Variants in AHNAK2 observed in about 807,000 individuals in gnomAD.
AHNAK2 encodes protein AHNAK2.
A neutral mutation model predicts 30.7 loss-of-function variants in AHNAK2; 18 were observed. That is an observed-to-expected ratio of 0.59 (90% CI 0.41 to 0.87). The LOEUF (loss-of-function observed/expected upper bound fraction) is 0.87, where lower values mean the gene tolerates loss of function less well. AHNAK2 is among the 40% of genes least tolerant of loss of function. The pLI, the probability that AHNAK2 is intolerant of heterozygous loss-of-function variation, is 0.00. For missense variants in AHNAK2, 8,604 were observed against 7,373.0 expected (o/e 1.17, Z -6.11); for synonymous variants, 3,590 against 3,073.8 (o/e 1.17, Z -5.56).
At chr14:104,977,829 C>T (rs926239837) in intron 1 of AHNAK2, among the ~76,000 whole-genome samples, 1 of 152,194 alleles carries the variant, frequency 6.6e-6, no homozygotes, top group East Asian at 1.9e-4. Context: ...GACCAGACAG[C>T]GTCCCAGGAG....
At chr14:104,961,898 A>C (rs1312927379) in intron 1 of AHNAK2, among the ~76,000 whole-genome samples, 7 of 152,096 alleles carry the variant, frequency 4.6e-5, no homozygotes, top group African/African-American at 7.2e-5. Context: ...ACTTGAGCCC[A>C]GGAGGTTAAA....
Position 104,940,213 on chromosome 14 carries a change from T to A in AHNAK2, c.15238A>T (p.Thr5080Ser). 4 of 1,613,616 alleles carry A rather than the reference T, an allele frequency of 2.5e-6. No individual in the cohort carries two copies. Among genetic ancestry groups the A allele is most frequent in the Non-Finnish European group, 3.4e-6 (4 of 1,179,904 alleles). ...TGGAGGTTCACACCCTCACTTCCTGTGGCACTTGCTGTTGCACCAAGTCCT... is the reference window on the plus strand; with the variant it reads ...TGGAGGTTCACACCCTCACTTCCTGAGGCACTTGCTGTTGCACCAAGTCCT... ...RGGLGATASA[T>S]GSEGVNLHRP... Residue 5080 changes from threonine (T) to serine (S), a missense_variant, in exon 7 of 7, where the codon ACA becomes TCA. Coordinates refer to ENST00000333244, the MANE Select transcript of AHNAK2 (RefSeq NM_138420.4). The surrounding 1 kb of genome is among the most constrained non-coding windows in gnomAD (Gnocchi z 4.4).
chr14:104,972,510 C>T (rs1037544276), intron 1 of AHNAK2, among the ~76,000 whole-genome samples: 2 of 152,216 alleles, frequency 1.3e-5, no homozygotes, highest in African/African-American at 4.8e-5. Flanking sequence ...CCGCAAGAGC[C>T]TTTGCTGGGG....
Position 104,950,081 on chromosome 14 carries a change from C to T in AHNAK2, c.5370G>A (p.Glu1790=). ...TGGCTCCTGGAGCCTCGACGTCCACCTCCACGCTGGGCAGAGACACCTCCA... is the reference window on the plus strand; with the variant it reads ...TGGCTCCTGGAGCCTCGACGTCCACTTCCACGCTGGGCAGAGACACCTCCA... ...PDVEVSLPSV[E]VDVEAPGAKL... The change falls in exon 7 of 7, where the codon GAG becomes GAA. Residue 1790 remains glutamate (E), a synonymous_variant. Transcript: ENST00000333244. The T allele has an allele frequency of 1.3e-6, 2 of 1,587,398 alleles. No individual in the cohort carries two copies. Among genetic ancestry groups the T allele is most frequent in the African/African-American group, 2.8e-5 (2 of 72,432 alleles).
intron 1 of AHNAK2, among the ~76,000 whole-genome samples, chr14:104,967,032 C>T (rs1025755953): frequency 1.2e-4 from 19 of 152,186 alleles, no homozygotes; most frequent in South Asian, 4.1e-4. Context: ...AGGAGGGTCC[C>T]TGGGTCACTT....
chr14:104,941,002 G>C lies in AHNAK2; in HGVS notation c.14449C>G (p.Gln4817Glu). ...ELALEIPSGS[Q>E]ADIPLPKTEC... is the part of the protein sequence containing the mutation. ...GTCTTGGGAAGAGGAATATCAGCCT[G>C]AGACCCAGAAGGAATTTCCAGAGCA... Residue 4817 changes from glutamine to glutamate, a missense_variant, in exon 7 of 7, where the codon CAG becomes GAG. Physicochemically the swap from Gln to Glu is conservative, Grantham distance 29. Coordinates refer to ENST00000333244, the MANE Select transcript of AHNAK2 (RefSeq NM_138420.4). 6.2e-7 allele frequency: 1 copy of C among 1,613,414 alleles called. No homozygotes were observed. The highest frequency in any genetic ancestry group is 1.1e-5 in the South Asian group (1 of 91,078).
intron 1 of AHNAK2, among the ~76,000 whole-genome samples, chr14:104,961,801 C>G (rs1899157439): frequency 6.6e-6 from 1 of 151,908 alleles, no homozygotes; most frequent in Admixed American, 6.6e-5. Context: ...AGTGAGACCT[C>G]ATCTTTAGAA....
Position 104,953,769 on chromosome 14 carries a change from T to A in AHNAK2, c.1682A>T (p.Gln561Leu). 1 of 1,613,994 alleles carries A rather than the reference T, an allele frequency of 6.2e-7. No homozygotes were observed. Among genetic ancestry groups the A allele is most frequent in the Non-Finnish European group, 8.5e-7 (1 of 1,179,896 alleles). ...GDEGDGEEGL[Q>L]RTRITEEQDK... ...CTGTTCCTCAGTGATCCTTGTCCTC[T>A]GTAGTCCTTCCTCTCCATCTCCTTC... The change falls in exon 7 of 7, where the codon CAG becomes CTG. Residue 561 changes from glutamine to leucine, a missense_variant. By Grantham distance (113) the Gln-to-Leu change is moderately radical. Transcript: ENST00000333244.
At chr14:104,957,012 C>A (rs538071702) in intron 3 of AHNAK2, among the ~76,000 whole-genome samples, 1 of 152,356 alleles carries the variant, frequency 6.6e-6, no homozygotes, top group African/African-American at 2.4e-5. Flanking sequence ...AAAATGAATC[C>A]TTTCATAGAC....
chr14:104,967,867 C>T (rs967252897), intron 1 of AHNAK2, among the ~76,000 whole-genome samples: 2 of 152,192 alleles, frequency 1.3e-5, no homozygotes, highest in Non-Finnish European at 2.9e-5. Context: ...TCCCAGTCCC[C>T]CGCCAAGAGC....
Position 104,946,106 on chromosome 14 carries a change from G to A in AHNAK2, c.9345C>T (p.Ala3115=), listed in dbSNP as rs755979558. 5.6e-6 allele frequency: 9 copies of A among 1,610,912 alleles called. No individual in the cohort carries two copies. In the South Asian group the frequency reaches 6.6e-5, roughly 12 times the overall value. Residue 3115 remains alanine (A), a synonymous_variant, in exon 7 of 7, where the codon GCC becomes GCT. Coordinates refer to ENST00000333244, the MANE Select transcript of AHNAK2 (RefSeq NM_138420.4). ...SQPGMEVDVE[A]PGAKLDGARL... ...GTGCACCATCCAACTTGGCTCCTGG[G>A]GCCTCGACATCCACCTCCATGCCGG... is the stretch of plus-strand genomic sequence containing the variant.
In AHNAK2 at chr14:104,952,239, A is replaced by G. The variant is rs1566917777; in HGVS notation, c.3212T>C (p.Leu1071Pro). The G allele has an allele frequency of 6.2e-7, 1 of 1,612,566 alleles. No individual in the cohort carries two copies. The highest frequency in any genetic ancestry group is 1.1e-5 in the South Asian group (1 of 91,016). The change falls in exon 7 of 7, where the codon CTG becomes CCG. Residue 1071 changes from leucine to proline, a missense_variant. Transcript: ENST00000333244. ...QVDVKLPEGHLPEGAGLKGHL... is the reference protein window; with the variant it reads ...QVDVKLPEGHPPEGAGLKGHL... The stretch of plus-strand genomic sequence containing the variant: ...CCCTTTAAGGCCAGCTCCCTCGGGC[A>G]GGTGGCCCTCCGGGAGCTTCACATC...
chr14:104,947,972 G>T lies in AHNAK2; in HGVS notation c.7479C>A (p.Phe2493Leu). Reference protein sequence around the residue: ...FKIPKFKMPSFGVSAPGKSIE... With the variant: ...FKIPKFKMPSLGVSAPGKSIE... ...TGGACTTGCCTGGGGCAGACACCCCGAATGACGGCATCTTGAACTTGGGAA... is the reference window on the plus strand; with the variant it reads ...TGGACTTGCCTGGGGCAGACACCCCTAATGACGGCATCTTGAACTTGGGAA... The change falls in exon 7 of 7, where the codon TTC (phenylalanine) becomes TTA (leucine). Residue 2493 changes from phenylalanine (F) to leucine (L), a missense_variant. By Grantham distance (22) the Phe-to-Leu change is conservative. Transcript: ENST00000333244. The T allele has an allele frequency of 1.2e-6, 2 of 1,611,122 alleles. No individual in the cohort carries two copies. The highest frequency in any genetic ancestry group is 1.7e-6 in the Non-Finnish European group (2 of 1,179,126).
Position 104,946,642 on chromosome 14 carries a change from C to T in AHNAK2, c.8809G>A (p.Val2937Met), listed in dbSNP as rs555295234. 1.7e-5 allele frequency: 27 copies of T among 1,612,898 alleles called. No homozygotes were observed. The highest frequency in any genetic ancestry group is 6.7e-5 in the African/African-American group (5 of 74,620). The change falls in exon 7 of 7, where the codon GTG (valine) becomes ATG (methionine). Residue 2937 changes from valine to methionine, a missense_variant. By Grantham distance (21) the Val-to-Met change is conservative. Coordinates refer to ENST00000333244, the MANE Select transcript of AHNAK2 (RefSeq NM_138420.4). ...GPKAEVTAPD[V>M]EVSLPSVEVD... is the part of the protein sequence containing the mutation. ...TCCACGCTGGGCAGAGACACCTCCACGTCGGGGGCCGTCACCTCCGCCTTG... is the reference window on the plus strand; with the variant it reads ...TCCACGCTGGGCAGAGACACCTCCATGTCGGGGGCCGTCACCTCCGCCTTG...
intron 1 of AHNAK2, among the ~76,000 whole-genome samples, chr14:104,964,615 G>C (rs1595430645): frequency 1.3e-5 from 2 of 152,230 alleles, no homozygotes; most frequent in Non-Finnish European, 2.9e-5. Flanking sequence ...CAATGGAACA[G>C]TATATGGTAT....
intron 1 of AHNAK2, among the ~76,000 whole-genome samples, chr14:104,969,988 G>A (rs1253300857): frequency 6.6e-6 from 1 of 152,030 alleles, no homozygotes; most frequent in Non-Finnish European, 1.5e-5. Context: ...CAGGGCCCCT[G>A]TGCACCAAGC....
rs181708085 is a variant in AHNAK2, at chr14:104,949,837, A to T, written c.5614T>A (p.Cys1872Ser). The T allele has an allele frequency of 9.0e-3, 14,176 of 1,580,174 alleles. 1,483 individuals carry two copies. Among genetic ancestry groups the T allele is most frequent in the East Asian group, 0.01 (452 of 44,124 alleles). The change falls in exon 7 of 7, where the codon TGC (cysteine) becomes AGC (serine). Residue 1872 changes from cysteine (C) to serine (S), a missense_variant. Transcript: ENST00000333244. Reference sequence around the variant, plus strand: ...AGGTCTGCAGAAGGGAGCGGAATGCAGAGGTCCGTGGTCTTGAGGTCCCCC... The same window carrying T: ...AGGTCTGCAGAAGGGAGCGGAATGCTGAGGTCCGTGGTCTTGAGGTCCCCC... Reference protein sequence around the residue: ...MQGDLKTTDLCIPLPSADLVV... With the variant: ...MQGDLKTTDLSIPLPSADLVV...
rs1898679763 is a variant in AHNAK2, at chr14:104,951,144, G to A, written c.4307C>T (p.Pro1436Leu). Residue 1436 changes from proline to leucine, a missense_variant, in exon 7 of 7, where the codon CCC (proline) becomes CTC (leucine). Transcript: ENST00000333244. Reference protein sequence around the residue: ...LKGPEIDIKGPKLDLKDPKVE... With the variant: ...LKGPEIDIKGLKLDLKDPKVE... ...CTTGGGGTCTTTTAGGTCCAGCTTGGGGCCCTTGATGTCTATTTCAGGGCC... is the reference window on the plus strand; with the variant it reads ...CTTGGGGTCTTTTAGGTCCAGCTTGAGGCCCTTGATGTCTATTTCAGGGCC... 9.4e-7 allele frequency: 1 copy of A among 1,068,566 alleles called. No homozygotes were observed. Among genetic ancestry groups the A allele is most frequent in the South Asian group, 1.6e-5 (1 of 62,790 alleles). 66.2% of individuals were successfully genotyped at this position (1,068,566 alleles called of 1,614,324 possible).
chr14:104,948,153 G>C lies in AHNAK2; in HGVS notation c.7298C>G (p.Pro2433Arg). 6.2e-7 allele frequency: 1 copy of C among 1,612,500 alleles called. No homozygotes were observed. The highest frequency in any genetic ancestry group is 8.5e-7 in the Non-Finnish European group (1 of 1,179,560). ...GTCGGGGGCCATCACGTCCGTCTTG[G>C]GGCCTTTCAGGTCCAGCTTGGGGCC... ...VKGPKLDLKG[P>R]KTDVMAPDVE... The change falls in exon 7 of 7, where the codon CCC becomes CGC. Residue 2433 changes from proline (P) to arginine (R), a missense_variant. Transcript: ENST00000333244.
Sources: allele counts gnomAD v4.1 joint callset (sites outside exome capture counted in the v4.1 genomes callset), GRCh38; gene constraint gnomAD v4.1.1; non-coding constraint Gnocchi (gnomAD v3.1); transcripts MANE v1.5; gene names NCBI Gene and HGNC (gene_info 2026-07-23, HGNC 2026-07-21).